The following MRPS18A variants were observed in gnomAD, a reference collection of about 807,000 sequenced individuals.
MRPS18A encodes the protein mitochondrial ribosomal protein S18A, also known as large ribosomal subunit protein mL66.
MRPS18A carries 20 observed loss-of-function variants against 22.7 expected under a neutral mutation model. That is an observed-to-expected ratio of 0.88 (90% CI 0.62 to 1.28). MRPS18A has a LOEUF of 1.28. MRPS18A is among the 50% of genes most tolerant of loss of function. The pLI, the probability that MRPS18A is intolerant of heterozygous loss-of-function variation, is 0.00. For missense variants in MRPS18A, 294 were observed against 262.6 expected, an observed-to-expected ratio of 1.12 and a Z score of -0.83; for synonymous variants, 106 against 99.1, an observed-to-expected ratio of 1.07 and a Z score of -0.41.
In MRPS18A at chr6:43,671,795, G is replaced by A. The variant is rs1773710991; in HGVS notation, c.558C>T (p.Cys186=). ...VGSPLLRDNV[C]YSRTPWKLYH ...ACAGCTTCCAAGGTGTTCTTGAGTAGCAGACATTGTCCCTCAGAAGGGGTG... is the reference window on the plus strand; with the variant it reads ...ACAGCTTCCAAGGTGTTCTTGAGTAACAGACATTGTCCCTCAGAAGGGGTG... The change falls in exon 6 of 6, where the codon TGC becomes TGT. Residue 186 remains cysteine, a synonymous_variant. Coordinates refer to ENST00000372133, the MANE Select transcript of MRPS18A (RefSeq NM_018135.4). 1 of 1,614,222 alleles carries A rather than the reference G, an allele frequency of 6.2e-7. No individual in the cohort carries two copies. Among genetic ancestry groups the A allele is most frequent in the Non-Finnish European group, 8.5e-7 (1 of 1,180,030 alleles).
At chr6:43,679,030 G>C (rs1478493425) in intron 2 of MRPS18A, among the ~76,000 whole-genome samples, 1 of 152,160 alleles carries the variant, frequency 6.6e-6, no homozygotes, top group African/African-American at 2.4e-5. Context: ...GTTTTAAGTG[G>C]CACAGGGATA....
In MRPS18A at chr6:43,683,380, C is replaced by G. The variant is rs2127952768; in HGVS notation, c.113-2260G>C. The stretch of plus-strand genomic sequence containing the variant: ...CAGGGGGAGAAGGCCCTGTTGGAAC[C>G]TGGTCCTTGAGGCCCTTAGTAGATT... On this transcript the variant is annotated intron_variant, in intron 1 of 5. Transcript: ENST00000372133. Among the ~76,000 whole-genome samples the G allele has an allele frequency of 2.0e-5, 3 of 152,302 alleles. No individual in the cohort carries two copies. The South Asian group carries it at 6.2e-4, about 32-fold the overall frequency.
Position 43,683,393 on chromosome 6 carries a change from C to T in MRPS18A, c.113-2273G>A, listed in dbSNP as rs182471041. ...CCCTGTTGGAACCTGGTCCTTGAGG[C>T]CCTTAGTAGATTTTAAGCCCCTCGA... On this transcript the variant is annotated intron_variant, in intron 1 of 5. Coordinates refer to ENST00000372133, the MANE Select transcript of MRPS18A (RefSeq NM_018135.4). Among the ~76,000 whole-genome samples the T allele has an allele frequency of 1.1e-3, 170 of 152,188 alleles. 1 individual carries two copies. Among genetic ancestry groups the T allele is most frequent in the Middle Eastern group, 3.4e-3 (1 of 294 alleles).
At chr6:43,677,287 C>T (rs961742936) in intron 3 of MRPS18A, among the ~76,000 whole-genome samples, 1 of 152,156 alleles carries the variant, frequency 6.6e-6, no homozygotes, top group Non-Finnish European at 1.5e-5. Context: ...GGCCCCAGGA[C>T]AGAAAGAACC....
chr6:43,682,536 C>A (rs958375115), intron 1 of MRPS18A, among the ~76,000 whole-genome samples: 1 of 152,178 alleles, frequency 6.6e-6, no homozygotes, highest in Non-Finnish European at 1.5e-5. Context: ...TCCAGACATA[C>A]AAAGGAATAA....
At chr6:43,687,263 G>T (rs1467334633) in intron 1 of MRPS18A, among the ~76,000 whole-genome samples, 1 of 152,210 alleles carries the variant, frequency 6.6e-6, no homozygotes, top group Non-Finnish European at 1.5e-5. Flanking sequence ...AGAAGGGAAA[G>T]TGGAAAGGGA....
At chr6:43,675,132 G>A in intron 5 of MRPS18A, 70 bp downstream of exon 5, 1 of 1,337,614 alleles carries the variant, frequency 7.5e-7, no homozygotes, top group South Asian at 1.6e-5. Flanking sequence ...GAATGGAACA[G>A]ACAGCCAAGG....
intron 1 of MRPS18A, among the ~76,000 whole-genome samples, chr6:43,681,432 C>G (rs1263941518): frequency 6.6e-6 from 1 of 152,252 alleles, no homozygotes; most frequent in Non-Finnish European, 1.5e-5. Flanking sequence ...AGGAATTGGT[C>G]AGATCCTGTC....
At chr6:43,671,928 G>A in intron 5 of MRPS18A, 22 bp from the exon 6 acceptor site, 1 of 1,574,462 alleles carries the variant, frequency 6.4e-7, no homozygotes, top group Non-Finnish European at 8.6e-7. Context: ...GAACAAAGAG[G>A]TGCCTGTGAG....
intron 3 of MRPS18A, among the ~76,000 whole-genome samples, chr6:43,678,142 T>G (rs908418624): frequency 2.6e-5 from 4 of 152,006 alleles, no homozygotes; most frequent in Non-Finnish European, 5.9e-5. Flanking sequence ...TGGTTGCACA[T>G]TAGAACCACG....
At chr6:43,681,572 T>C (rs1280708920) in intron 1 of MRPS18A, among the ~76,000 whole-genome samples, 1 of 152,210 alleles carries the variant, frequency 6.6e-6, no homozygotes, top group African/African-American at 2.4e-5. Context: ...GAGTTTACAA[T>C]GTAAGATATA....
At chr6:43,672,903 G>A (rs1189109862) in intron 5 of MRPS18A, among the ~76,000 whole-genome samples, 1 of 152,064 alleles carries the variant, frequency 6.6e-6, no homozygotes, top group Non-Finnish European at 1.5e-5. Flanking sequence ...GGGCAGGGAT[G>A]GGAGGGCCTT....
chr6:43,684,938 T>G (rs919783031), intron 1 of MRPS18A, among the ~76,000 whole-genome samples: 2 of 152,228 alleles, frequency 1.3e-5, no homozygotes, highest in Admixed American at 6.5e-5. Context: ...AACACAGTCT[T>G]TGCTAAATCT....
At chr6:43,675,417 G>A (rs201061028) in intron 4 of MRPS18A, 77 bp downstream of exon 4, 131 of 1,610,860 alleles carry the variant, frequency 8.1e-5, no homozygotes, top group Admixed American at 6.7e-5. Context: ...TTCCAGGAGG[G>A]GCTGAAACAT....
intron 1 of MRPS18A, among the ~76,000 whole-genome samples, chr6:43,683,417 G>A (rs1205078368): frequency 2.0e-5 from 3 of 152,162 alleles, no homozygotes; most frequent in Non-Finnish European, 4.4e-5. Flanking sequence ...TAAGCCCCTC[G>A]AAAGAGGAGA....
At chr6:43,686,402 G>A (rs1479534615) in intron 1 of MRPS18A, among the ~76,000 whole-genome samples, 1 of 152,204 alleles carries the variant, frequency 6.6e-6, no homozygotes, top group African/African-American at 2.4e-5. Flanking sequence ...TCTACTAATG[G>A]ATAAGTTAAT....
In MRPS18A at chr6:43,671,357, C is replaced by G. The variant is rs1582404271; in HGVS notation, c.*405G>C. The G allele has an allele frequency of 1.5e-5, 6 of 396,794 alleles. No homozygotes were observed. In the East Asian group the frequency reaches 3.2e-4, roughly 21 times the overall value. The allele number at this position is 396,794 out of a possible 1,614,324, so 24.6% of individuals were successfully genotyped here. On this transcript the variant is annotated 3_prime_UTR_variant, in exon 6 of 6. Coordinates refer to ENST00000372133, the MANE Select transcript of MRPS18A (RefSeq NM_018135.4). The stretch of plus-strand genomic sequence containing the variant: ...CATGAATTCAATTGACTCATTGGCC[C>G]CATCACAAGAGATCAGTGACTCAAT...
At chr6:43,675,148 C>T in intron 5 of MRPS18A, 54 bp downstream of exon 5, 1 of 1,421,626 alleles carries the variant, frequency 7.0e-7, no homozygotes, top group Non-Finnish European at 9.4e-7. Context: ...CAAGGTGCAC[C>T]CTAGTTTTCC....
chr6:43,683,271 T>C (rs1024093199), intron 1 of MRPS18A, among the ~76,000 whole-genome samples: 2 of 152,148 alleles, frequency 1.3e-5, no homozygotes, highest in African/African-American at 4.8e-5. Flanking sequence ...CAGATGCTTA[T>C]CTAACAGAGA....
Sources: gnomAD v4.1 joint callset for allele counts (sites outside exome capture counted in the v4.1 genomes callset) on GRCh38, gnomAD v4.1.1 for gene constraint, MANE v1.5 for transcripts, NCBI Gene and HGNC (gene_info 2026-07-23, HGNC 2026-07-21) for gene names.